ARHGEF26: variants seen among roughly 807,000 people sequenced by gnomAD.
The protein encoded by ARHGEF26 is Rho guanine nucleotide exchange factor 26, also known as Rho guanine nucleotide exchange factor (GEF) 26.
A neutral mutation model predicts 89.4 loss-of-function variants in ARHGEF26; 59 were observed. The ratio of observed to expected loss-of-function variants is 0.66; its 90% CI spans 0.54 to 0.82. ARHGEF26 has a LOEUF of 0.82. ARHGEF26 is among the 40% of genes least tolerant of loss of function. The pLI is 0.00. For missense variants in ARHGEF26, 1,234 were observed against 1,085.6 expected, an observed-to-expected ratio of 1.14 and a Z score of -1.92; for synonymous variants, 500 against 428.4, an observed-to-expected ratio of 1.17 and a Z score of -2.06.
chr3:154,166,811 A>G lies in ARHGEF26; in HGVS notation c.1487+13879A>G, dbSNP rs556003490. ...CGCCTACAACCACTGAAAGTAATAA[A>G]TGTACATGGTGTAAAATTCAAATAC... On this transcript the variant is annotated intron_variant, in intron 6 of 14. Coordinates refer to ENST00000465093, the MANE Select transcript of ARHGEF26 (RefSeq NM_015595.4). Among the ~76,000 whole-genome samples, 4 of 152,260 alleles carry G rather than the reference A, an allele frequency of 2.6e-5. 1 individual carries two copies. The South Asian group carries it at 8.3e-4, about 32-fold the overall frequency.
intron 6 of ARHGEF26, among the ~76,000 whole-genome samples, chr3:154,160,985 A>G (rs1711620442): frequency 6.6e-6 from 1 of 152,114 alleles, no homozygotes; most frequent in African/African-American, 2.4e-5. Flanking sequence ...ATACTGGACC[A>G]GGAGACCCAG....
At position 154,124,390 on chromosome 3, in the gene ARHGEF26, T is replaced by TTTTA. The variant is rs1491558352; in HGVS notation, c.1084-20_1084-19insTTTA. ...GCTTTTCCTTTTTTTTTTTTTTTTT[T>TTTTA]ACTTTTTTTTGTCTCTTAGAAAAAA... On this transcript the variant is annotated intron_variant, in intron 2 of 14. Coordinates refer to ENST00000465093, the MANE Select transcript of ARHGEF26 (RefSeq NM_015595.4). The TTTTA allele has an allele frequency of 7.4e-6, 10 of 1,352,176 alleles. No homozygotes were observed. Among genetic ancestry groups the TTTTA allele is most frequent in the South Asian group, 3.0e-5 (2 of 67,028 alleles). 83.8% of individuals were successfully genotyped at this position (1,352,176 alleles called of 1,614,324 possible).
chr3:154,233,400 A>G (rs1444169741), intron 11 of ARHGEF26, among the ~76,000 whole-genome samples: 4 of 152,240 alleles, frequency 2.6e-5, no homozygotes, highest in Admixed American at 2.0e-4. Context: ...CACACGATCA[A>G]GTGCGACGGT....
chr3:154,194,721 A>G lies in ARHGEF26; in HGVS notation c.1845+3A>G. On this transcript the variant is annotated splice_donor_region_variant and intron_variant, in intron 9 of 14. Coordinates refer to ENST00000465093, the MANE Select transcript of ARHGEF26 (RefSeq NM_015595.4). ...GAGCCTTGAAGGAAGTTAGCAAGGT[A>G]ACTGTTGGGTGACAGTTTGTTTGTA... is the stretch of plus-strand genomic sequence containing the variant. 6.2e-7 allele frequency: 1 copy of G among 1,610,430 alleles called. No individual in the cohort carries two copies. Among genetic ancestry groups the G allele is most frequent in the Non-Finnish European group, 8.5e-7 (1 of 1,177,988 alleles).
intron 3 of ARHGEF26, among the ~76,000 whole-genome samples, chr3:154,129,151 GTCTT>G (rs1451390171): frequency 1.3e-5 from 2 of 152,230 alleles, no homozygotes; most frequent in East Asian, 3.9e-4. Flanking sequence ...CATCAGAGGT[GTCTT>G]TCTTTTGTTT....
At chr3:154,179,546 T>A (rs1713055456) in intron 6 of ARHGEF26, among the ~76,000 whole-genome samples, 1 of 152,176 alleles carries the variant, frequency 6.6e-6, no homozygotes, top group Non-Finnish European at 1.5e-5. Flanking sequence ...AACTAGATGG[T>A]GAGTGCCATG....
At position 154,187,689 on chromosome 3, in the gene ARHGEF26, T is replaced by A; in HGVS notation, c.1492T>A (p.Phe498Ile). 1 of 1,602,474 alleles carries A rather than the reference T, an allele frequency of 6.2e-7. No individual in the cohort carries two copies. ...TTTTTCCCTTTGGTTTTTCAGGTTC[T>A]TTATAGAGTTGGAAGCAAGACATCA... ...TDVCEASKKF[F>I]IELEARHQNN... The change falls in exon 7 of 15, where the codon TTT (phenylalanine) becomes ATT (isoleucine). Residue 498 changes from phenylalanine to isoleucine, a missense_variant. Coordinates refer to ENST00000465093, the MANE Select transcript of ARHGEF26 (RefSeq NM_015595.4).
intron 11 of ARHGEF26, among the ~76,000 whole-genome samples, chr3:154,238,730 C>T (rs1717270868): frequency 6.6e-6 from 1 of 152,148 alleles, no homozygotes; most frequent in Admixed American, 6.5e-5. Context: ...ATTTATTGAG[C>T]ACTCTCATGT....
intron 9 of ARHGEF26, among the ~76,000 whole-genome samples, chr3:154,197,774 C>T (rs1422246465): frequency 6.6e-6 from 1 of 152,120 alleles, no homozygotes; most frequent in Non-Finnish European, 1.5e-5. Flanking sequence ...TCCTGATTTT[C>T]TGTTAACATG....
intron 3 of ARHGEF26, among the ~76,000 whole-genome samples, chr3:154,125,551 C>CT (rs1161018519): frequency 6.6e-6 from 1 of 152,154 alleles, no homozygotes; most frequent in Non-Finnish European, 1.5e-5. Flanking sequence ...TTATAGCACT[C>CT]TGACTATGAA....
At chr3:154,171,496 T>A (rs1182260751) in intron 6 of ARHGEF26, among the ~76,000 whole-genome samples, 1 of 152,228 alleles carries the variant, frequency 6.6e-6, no homozygotes, top group Non-Finnish European at 1.5e-5. Flanking sequence ...TTCACTGCTC[T>A]AAATATCCTC....
Position 154,255,431 on chromosome 3 carries a change from G to A in ARHGEF26, c.2574G>A (p.Val858=), listed in dbSNP as rs1219200305. 6.2e-7 allele frequency: 1 copy of A among 1,613,824 alleles called. No individual in the cohort carries two copies. Among genetic ancestry groups the A allele is most frequent in the South Asian group, 1.1e-5 (1 of 91,068 alleles). The change falls in exon 15 of 15, where the codon GTG becomes GTA. Residue 858 remains valine, a synonymous_variant. Transcript: ENST00000465093. ...GTCAAGCTACAATTGATAAGAATGT[G>A]GAGAGAATGGGACGCTTGCTAGGAC... ...ITCQATIDKN[V]ERMGRLLGLE...
intron 6 of ARHGEF26, among the ~76,000 whole-genome samples, 164 bp from the exon 7 acceptor site, chr3:154,187,521 T>A (rs1713654987): frequency 6.6e-6 from 1 of 152,140 alleles, no homozygotes; most frequent in South Asian, 2.1e-4. Context: ...TATGATAGAT[T>A]TAAACTTAGA....
At chr3:154,145,052 A>G (rs1163269039) in intron 4 of ARHGEF26, among the ~76,000 whole-genome samples, 1 of 152,040 alleles carries the variant, frequency 6.6e-6, no homozygotes, top group Non-Finnish European at 1.5e-5. Flanking sequence ...TGGCCCTTTG[A>G]AATTTGTGTT....
chr3:154,253,146 GGGACACA>G lies in ARHGEF26; in HGVS notation c.2333_2339del (p.Gly778AlafsTer12). The G allele has an allele frequency of 6.2e-7, 1 of 1,614,016 alleles. No homozygotes were observed. The highest frequency in any genetic ancestry group is 8.5e-7 in the Non-Finnish European group (1 of 1,179,890). ...AGCGAGCCCGCTGGATAACTGCCCT[GGGACACA>G]GCAGCGGGAAGCCGCCTGCAGACCG... On this transcript the variant is annotated frameshift_variant, in exon 13 of 15. Coordinates refer to ENST00000465093, the MANE Select transcript of ARHGEF26 (RefSeq NM_015595.4). LOFTEE classifies it high-confidence loss of function.
At chr3:154,152,306 A>C (rs1720070399) in intron 5 of ARHGEF26, among the ~76,000 whole-genome samples, 1 of 152,216 alleles carries the variant, frequency 6.6e-6, no homozygotes, top group South Asian at 2.1e-4. Flanking sequence ...AGTGTGACAC[A>C]CAAGAGGGAA....
Position 154,122,340 on chromosome 3 carries a change from C to T in ARHGEF26, c.348C>T (p.Leu116=). 1 of 1,612,726 alleles carries T rather than the reference C, an allele frequency of 6.2e-7. No individual in the cohort carries two copies. The highest frequency in any genetic ancestry group is 8.5e-7 in the Non-Finnish European group (1 of 1,179,788). The change falls in exon 2 of 15, where the codon CTC becomes CTT. Residue 116 remains leucine (L), a synonymous_variant. Transcript: ENST00000465093. ...TTCGACGGCCCAAGTCACCCAAGCT[C>T]CCCAAAGCGGTGCCTGGCGGCTCCC... The part of the protein sequence containing the change: ...PRLRRPKSPK[L]PKAVPGGSPK...
intron 12 of ARHGEF26, among the ~76,000 whole-genome samples, chr3:154,244,030 TTTTC>T (rs1235724554): frequency 2.0e-5 from 3 of 152,158 alleles, no homozygotes; most frequent in Admixed American, 6.6e-5. Context: ...ATTGTTTAGG[TTTTC>T]TTTCTTTTAT....
At chr3:154,143,302 T>C (rs76651014) in intron 4 of ARHGEF26, among the ~76,000 whole-genome samples, 1 of 152,172 alleles carries the variant, frequency 6.6e-6, no homozygotes, top group Non-Finnish European at 1.5e-5. Flanking sequence ...ATCAATAATG[T>C]AGTAATAGTT....
Sources: gnomAD v4.1 joint callset for allele counts (sites outside exome capture counted in the v4.1 genomes callset) on GRCh38, gnomAD v4.1.1 for gene constraint, MANE v1.5 for transcripts, NCBI Gene and HGNC (gene_info 2026-07-23, HGNC 2026-07-21) for gene names.